Variants in FUT8 observed in about 807,000 individuals in gnomAD.
The protein encoded by FUT8 is alpha-(1,6)-fucosyltransferase.
In FUT8, 29 loss-of-function variants were observed where a neutral mutation model predicts 71.3. The observed-to-expected ratio is 0.41, with a 90% CI of 0.30 to 0.55. The LOEUF is 0.55. Among genes scored for constraint, FUT8 ranks in the 20% least tolerant of loss-of-function variants. FUT8 has a pLI of 0.34. For missense variants in FUT8, 544 were observed against 702.1 expected, an observed-to-expected ratio of 0.77 and a Z score of 2.55; for synonymous variants, 254 against 239.3, an observed-to-expected ratio of 1.06 and a Z score of -0.57.
At chr14:65,497,670 T>A (rs139730329) in intron 2 of FUT8, among the ~76,000 whole-genome samples, 2,260 of 152,118 alleles carry the variant, frequency 0.015, 18 homozygotes, top group South Asian at 0.024. Context: ...GTGGTGACAT[T>A]CATTCAGCTA....
At position 65,574,871 on chromosome 14, in the gene FUT8, A is replaced by G. The variant is rs1393328629; in HGVS notation, c.203+13105A>G. 6.6e-6 allele frequency among the ~76,000 whole-genome samples: 1 copy of G among 152,122 alleles called. No individual in the cohort carries two copies. The highest frequency in any genetic ancestry group is 1.5e-5 in the Non-Finnish European group (1 of 68,026). On this transcript the variant is annotated intron_variant, in intron 3 of 10. Coordinates refer to ENST00000673929, the MANE Select transcript of FUT8 (RefSeq NM_001371533.1). This position sits in a 1 kb window ranked among gnomAD's most constrained non-coding sequence, Gnocchi z 5.2. ...ATTCTGTGAAACATATCCTCTGAGG[A>G]GGAACCATAAGCATGGCTTGAAGGC...
At chr14:65,719,767 G>A (rs1200600541) in intron 7 of FUT8, among the ~76,000 whole-genome samples, 1 of 152,208 alleles carries the variant, frequency 6.6e-6, no homozygotes, top group Admixed American at 6.5e-5. Flanking sequence ...GGATTACCAA[G>A]CAGAGACTCT....
chr14:65,541,876 T>C (rs1884698380), intron 2 of FUT8, among the ~76,000 whole-genome samples: 1 of 152,222 alleles, frequency 6.6e-6, no homozygotes, highest in African/African-American at 2.4e-5. Context: ...CCTGTCCTTG[T>C]GTTAAAAGTA....
chr14:65,695,360 T>G (rs1056177684), intron 7 of FUT8, among the ~76,000 whole-genome samples: 23 of 152,356 alleles, frequency 1.5e-4, no homozygotes, highest in African/African-American at 5.0e-4. Flanking sequence ...ATTATACATA[T>G]TAGGTATAAT....
intron 3 of FUT8, among the ~76,000 whole-genome samples, chr14:65,563,696 C>T (rs1349165003): frequency 6.6e-6 from 1 of 151,990 alleles, no homozygotes. Context: ...TGCTCACTTT[C>T]CTTATGGTTC....
chr14:65,649,596 A>G (rs989365469), intron 6 of FUT8, among the ~76,000 whole-genome samples: 3 of 152,168 alleles, frequency 2.0e-5, no homozygotes, highest in South Asian at 2.1e-4. Context: ...ATAAAGCTGA[A>G]CTCTAAGGAA....
intron 7 of FUT8, among the ~76,000 whole-genome samples, chr14:65,678,157 A>C (rs1892858787): frequency 6.6e-6 from 1 of 152,256 alleles, no homozygotes; most frequent in Admixed American, 6.5e-5. Context: ...TTATGGGAAC[A>C]AAGCAAAATA....
upstream of FUT8, among the ~76,000 whole-genome samples, chr14:65,406,563 T>C (rs2139327528): frequency 6.6e-6 from 1 of 152,240 alleles, no homozygotes; most frequent in African/African-American, 2.4e-5. Context: ...TGAGATGGAG[T>C]CTTGCTCTGT....
the FUT8 span, among the ~76,000 whole-genome samples, chr14:65,404,064 C>T: frequency 2.0e-5 from 3 of 151,592 alleles, no homozygotes; most frequent in Non-Finnish European, 2.9e-5. Context: ...CAGGGTTTCA[C>T]GATGTTGGTC....
intron 3 of FUT8, among the ~76,000 whole-genome samples, chr14:65,587,248 A>T (rs1157378498): frequency 6.6e-6 from 1 of 152,088 alleles, no homozygotes; most frequent in Admixed American, 6.5e-5. Flanking sequence ...TTGTATATTT[A>T]GGAAAACGTT....
At chr14:65,464,292 A>T in intron 2 of FUT8, among the ~76,000 whole-genome samples, 1 of 124,660 alleles carries the variant, frequency 8.0e-6, no homozygotes, top group Non-Finnish European at 1.6e-5. Context: ...ATAGATGATC[A>T]TGTCATCTGC....
intron 10 of FUT8, among the ~76,000 whole-genome samples, chr14:65,739,253 AAAAT>A (rs1896375541): frequency 6.6e-6 from 1 of 151,998 alleles, no homozygotes; most frequent in Non-Finnish European, 1.5e-5. Context: ...TCTTATGAGA[AAAAT>A]AAAGGGCCAC....
chr14:65,615,963 T>G lies in FUT8; in HGVS notation c.204-15T>G. On this transcript the variant is annotated splice_polypyrimidine_tract_variant and intron_variant, in intron 3 of 10. Coordinates refer to ENST00000673929, the MANE Select transcript of FUT8 (RefSeq NM_001371533.1). ...TTGAAAGCTAAATGTTTACATTATC[T>G]TCCCTAAACTACAGGATACCAGAAG... 6.4e-7 allele frequency: 1 copy of G among 1,559,154 alleles called. No homozygotes were observed.
intron 2 of FUT8, among the ~76,000 whole-genome samples, chr14:65,527,341 T>C (rs944313831): frequency 1.3e-5 from 2 of 152,230 alleles, no homozygotes; most frequent in Admixed American, 1.3e-4. Context: ...TACCCTTTCT[T>C]CCAGTTGATT....
intron 5 of FUT8, among the ~76,000 whole-genome samples, chr14:65,629,132 G>A (rs760457426): frequency 3.3e-5 from 5 of 152,110 alleles, no homozygotes; most frequent in Non-Finnish European, 5.9e-5. Flanking sequence ...AGAACCAAGA[G>A]GTACTAATAC....
Position 65,580,070 on chromosome 14 carries a change from T to TTATATATG in FUT8, c.203+18311_203+18312insGTATATAT, listed in dbSNP as rs1555372886. 3.6e-3 allele frequency among the ~76,000 whole-genome samples: 511 copies of TTATATATG among 142,842 alleles called. 6 individuals are homozygous for TTATATATG. The highest frequency in any genetic ancestry group is 0.013 in the African/African-American group (485 of 38,066). The allele number at this position is 142,842 out of a possible 152,430, so 93.7% of individuals were successfully genotyped here. A position where few individuals can be genotyped will look rare whatever the true frequency, so the allele number is the denominator to read the frequency against. ...TTCAAAATACTGATAGTGCTATATT[T>TTATATATG]TATATATATATATATATATAGTCAT... On this transcript the variant is annotated intron_variant, in intron 3 of 10. Coordinates refer to ENST00000673929, the MANE Select transcript of FUT8 (RefSeq NM_001371533.1).
intron 6 of FUT8, among the ~76,000 whole-genome samples, chr14:65,663,730 A>G (rs1892079883): frequency 1.3e-5 from 2 of 152,092 alleles, no homozygotes; most frequent in Admixed American, 6.6e-5. Flanking sequence ...AATATAGTCT[A>G]TCTTCAGCTT....
At chr14:65,664,464 A>G (rs940309665) in intron 6 of FUT8, among the ~76,000 whole-genome samples, 1 of 152,158 alleles carries the variant, frequency 6.6e-6, no homozygotes, top group Non-Finnish European at 1.5e-5. Context: ...TGTGGAAACA[A>G]TATTGACCAA....
chr14:65,654,898 TTTTTG>T (rs1891593777), intron 6 of FUT8, among the ~76,000 whole-genome samples: 1 of 147,930 alleles, frequency 6.8e-6, no homozygotes, highest in African/African-American at 2.6e-5. Context: ...GAATGGTGTT[TTTTTG>T]TTTTTGTTTT....
Sources: gnomAD v4.1 joint callset for allele counts (sites outside exome capture counted in the v4.1 genomes callset) on GRCh38, gnomAD v4.1.1 for gene constraint, Gnocchi (gnomAD v3.1) non-coding constraint, MANE v1.5 for transcripts, NCBI Gene and HGNC (gene_info 2026-07-23, HGNC 2026-07-21) for gene names.